C4orf50: variants seen among roughly 807,000 people sequenced by gnomAD.
The protein encoded by C4orf50 is chromosome 4 open reading frame 50, also known as uncharacterized protein C4orf50.
Under a neutral mutation model 77.2 loss-of-function variants are expected in C4orf50, and 80 were observed. The ratio of observed to expected loss-of-function variants is 1.04; its 90% CI spans 0.87 to 1.25. The LOEUF is 1.25. Among genes scored for constraint, C4orf50 ranks in the 50% most tolerant of loss-of-function variants. The pLI is 0.00. For missense variants in C4orf50, 1,257 were observed against 1,152.9 expected, an observed-to-expected ratio of 1.09 and a Z score of -1.31; for synonymous variants, 532 against 465.3, an observed-to-expected ratio of 1.14 and a Z score of -1.84.
chr4:5,989,847 C>T (rs539247362), exon 28 of C4orf50: 37 of 1,463,908 alleles, frequency 2.5e-5, no homozygotes, highest in Admixed American at 4.8e-5. Flanking sequence ...CTTCTTGATG[C>T]GGCATCTCAT....
At chr4:6,012,368 G>A (rs567785880) in intron 23 of C4orf50, among the ~76,000 whole-genome samples, 3 of 152,188 alleles carry the variant, frequency 2.0e-5, no homozygotes, top group African/African-American at 7.2e-5. Flanking sequence ...TGAGGAAATA[G>A]GATCAGAGGG....
rs181595584 is a variant in C4orf50, at chr4:5,995,396, C to T, written c.964-920G>A. Among the ~76,000 whole-genome samples, 27 of 152,216 alleles carry T rather than the reference C, an allele frequency of 1.8e-4. No individual in the cohort carries two copies. The East Asian group carries it at 5.0e-3, about 28-fold the overall frequency. On this transcript the variant is annotated intron_variant, in intron 25 of 33. Coordinates refer to ENST00000531445, the Ensembl canonical transcript of C4orf50. ...TCTCCACAGTGTGGAGCTTCCCCAG[C>T]TGCCGCCCTGCTGCAGGTCAGGATA...
intron 25 of C4orf50, among the ~76,000 whole-genome samples, chr4:6,001,283 G>A (rs1374775121): frequency 6.6e-6 from 1 of 152,178 alleles, no homozygotes; most frequent in Non-Finnish European, 1.5e-5. Context: ...CCGAGTAGCT[G>A]GGATTACAGG....
At position 6,002,756 on chromosome 4, in the gene C4orf50, G is replaced by A. The variant is rs77500741; in HGVS notation, c.963+5240C>T. ...GCTCTCAGCTGCATGAGCACCCACC[G>A]CTGCCTCTGGGAAACTCCCAGCCCA... On this transcript the variant is annotated intron_variant, in intron 25 of 33. Transcript: ENST00000531445. 4.3e-3 allele frequency among the ~76,000 whole-genome samples: 651 copies of A among 152,258 alleles called. 18 individuals carry two copies. In the East Asian group the frequency reaches 0.071, roughly 17 times the overall value.
intron 7 of C4orf50, among the ~76,000 whole-genome samples, chr4:5,926,208 G>T (rs1052316760): frequency 1.3e-5 from 2 of 152,196 alleles, no homozygotes; most frequent in Non-Finnish European, 2.9e-5. Flanking sequence ...GCTGGTGAAT[G>T]GATAACCTAA....
At chr4:6,004,317 GATCGTA>G (rs1397449312) in intron 25 of C4orf50, among the ~76,000 whole-genome samples, 9 of 27,956 alleles carry the variant, frequency 3.2e-4, no homozygotes, top group East Asian at 5.4e-3. Context: ...GTGATGATGT[GATCGTA>G]ATGGTGATGA....
intron 7 of C4orf50, among the ~76,000 whole-genome samples, chr4:5,911,999 T>C (rs1716827150): frequency 6.6e-6 from 1 of 152,046 alleles, no homozygotes; most frequent in African/African-American, 2.4e-5. Context: ...TGAGCCAAGA[T>C]TGCACCACTG....
At chr4:5,964,711 T>C (rs537498278) in intron 33 of C4orf50, among the ~76,000 whole-genome samples, 2 of 141,040 alleles carry the variant, frequency 1.4e-5, no homozygotes, top group South Asian at 4.5e-4. Flanking sequence ...GAGGTTGCAG[T>C]GAGCCGAGAT....
chr4:5,992,493 C>T lies in C4orf50; in HGVS notation c.1221+310G>A, dbSNP rs1364555389. 6.6e-6 allele frequency among the ~76,000 whole-genome samples: 1 copy of T among 152,050 alleles called. No individual in the cohort carries two copies. The highest frequency in any genetic ancestry group is 1.5e-5 in the Non-Finnish European group (1 of 67,996). The stretch of plus-strand genomic sequence containing the variant: ...GTCACAGCAGCCCTTGGAGTCTCAT[C>T]TCCTCTCCAGAGCAGAGGTGGCAGC... On this transcript the variant is annotated intron_variant, in intron 27 of 33. Transcript: ENST00000531445. This position sits in a 1 kb window ranked among gnomAD's most constrained non-coding sequence, Gnocchi z 5.0.
Position 6,011,779 on chromosome 4 carries a change from A to G in C4orf50, c.426+51T>C, listed in dbSNP as rs908219879. 2 of 398,878 alleles carry G rather than the reference A, an allele frequency of 5.0e-6. No individual in the cohort carries two copies. Among genetic ancestry groups the G allele is most frequent in the Admixed American group, 8.8e-5 (2 of 22,720 alleles). 24.7% of individuals were successfully genotyped at this position (398,878 alleles called of 1,614,324 possible). On this transcript the variant is annotated intron_variant, in intron 24 of 33. Transcript: ENST00000531445. The surrounding 1 kb of genome is among the most constrained non-coding windows in gnomAD (Gnocchi z 4.2). The stretch of plus-strand genomic sequence containing the variant: ...CAACTGCAGCTGCTGCTGAGTTCCC[A>G]CGGCTCTGCTGGACAGGAAACAGGG...
At chr4:5,953,220 C>G (rs1045074594), downstream of C4orf50, among the ~76,000 whole-genome samples, 4 of 152,222 alleles carry the variant, frequency 2.6e-5, no homozygotes, top group African/African-American at 4.8e-5. Flanking sequence ...AGCCTCCCAG[C>G]TGAGCCCAGC....
At chr4:5,920,838 C>T (rs564695518) in intron 7 of C4orf50, among the ~76,000 whole-genome samples, 6 of 152,302 alleles carry the variant, frequency 3.9e-5, no homozygotes, top group South Asian at 2.1e-4. Context: ...CAAACAACTC[C>T]GTGCTCAACA....
At chr4:5,914,493 C>A (rs1013387261) in intron 7 of C4orf50, among the ~76,000 whole-genome samples, 2 of 152,042 alleles carry the variant, frequency 1.3e-5, no homozygotes, top group Admixed American at 6.5e-5. Flanking sequence ...TGTGAGCCAC[C>A]GCGCCTGGCC....
chr4:5,911,204 C>T (rs1248448749), intron 7 of C4orf50, among the ~76,000 whole-genome samples: 4 of 152,078 alleles, frequency 2.6e-5, no homozygotes, highest in Admixed American at 6.5e-5. Context: ...CCACCATGCC[C>T]GGCCTCTTCC....
At chr4:5,898,880 A>G (rs1019584905) in intron 7 of C4orf50, 9 of 152,238 alleles carry the variant, frequency 5.9e-5, no homozygotes, top group African/African-American at 2.2e-4. Flanking sequence ...TGAGCTATCA[A>G]TTCTTCCATT....
rs752425026 is a variant in C4orf50, at chr4:5,975,891, C to T, written c.3921+8G>A. Reference sequence around the variant, plus strand: ...AGGCATTTCATGTTGATTTTATGAACATATTACCTTCAGGGGAGTCACTGC... The same window carrying T: ...AGGCATTTCATGTTGATTTTATGAATATATTACCTTCAGGGGAGTCACTGC... On this transcript the variant is annotated splice_region_variant and intron_variant, in intron 30 of 33. Coordinates refer to ENST00000531445, the Ensembl canonical transcript of C4orf50. 3.8e-6 allele frequency: 6 copies of T among 1,599,810 alleles called. No individual in the cohort carries two copies. In the Admixed American group the frequency reaches 5.0e-5, roughly 13 times the overall value.
At position 6,009,957 on chromosome 4, in the gene C4orf50, A is replaced by G. The variant is rs1722422189; in HGVS notation, c.427-1425T>C. Reference sequence around the variant, plus strand: ...ATACACAGCACATGAGACAGATTTAATAAGACGACGCGTGTAGAAAAGGGC... The same window carrying G: ...ATACACAGCACATGAGACAGATTTAGTAAGACGACGCGTGTAGAAAAGGGC... On this transcript the variant is annotated intron_variant, in intron 24 of 33. Coordinates refer to ENST00000531445, the Ensembl canonical transcript of C4orf50. This position sits in a 1 kb window ranked among gnomAD's most constrained non-coding sequence, Gnocchi z 5.6. Among the ~76,000 whole-genome samples the G allele has an allele frequency of 6.6e-6, 1 of 152,134 alleles. No individual in the cohort carries two copies. The highest frequency in any genetic ancestry group is 2.4e-5 in the African/African-American group (1 of 41,416).
At chr4:5,980,544 T>C (rs1408487227) in intron 28 of C4orf50, among the ~76,000 whole-genome samples, 1 of 152,134 alleles carries the variant, frequency 6.6e-6, no homozygotes. Flanking sequence ...ATCTTTATTA[T>C]CCATAGATTT....
chr4:5,939,151 G>A (rs1718159415), intron 7 of C4orf50, among the ~76,000 whole-genome samples: 1 of 152,096 alleles, frequency 6.6e-6, no homozygotes, highest in Non-Finnish European at 1.5e-5. Flanking sequence ...GCTGAGGCAG[G>A]AGAATCGCTT....
Sources: allele counts gnomAD v4.1 joint callset (sites outside exome capture counted in the v4.1 genomes callset), GRCh38; gene constraint gnomAD v4.1.1; non-coding constraint Gnocchi (gnomAD v3.1); transcripts MANE v1.5; gene names NCBI Gene and HGNC (gene_info 2026-07-23, HGNC 2026-07-21).